ENPP3: variants seen among roughly 807,000 people sequenced by gnomAD.
The protein encoded by ENPP3 is ectonucleotide pyrophosphatase/phosphodiesterase family member 3.
ENPP3 carries 104 observed loss-of-function variants against 117.8 expected under a neutral mutation model. The observed-to-expected ratio is 0.88, with a 90% confidence interval of 0.75 to 1.04. ENPP3 has a LOEUF of 1.04. ENPP3 is among the 50% of genes least tolerant of loss of function. ENPP3 has a pLI of 0.00. For missense variants in ENPP3, 1,026 were observed against 1,051.9 expected, an observed-to-expected ratio of 0.98 and a Z score of 0.34; for synonymous variants, 380 against 349.9, an observed-to-expected ratio of 1.09 and a Z score of -0.96.
chr6:131,663,423 A>G (rs925728490), intron 6 of ENPP3, among the ~76,000 whole-genome samples: 2 of 151,276 alleles, frequency 1.3e-5, no homozygotes, highest in South Asian at 4.2e-4. Context: ...ATGGTTGCTT[A>G]TATCTGCAAT....
chr6:131,652,365 T>C lies in ENPP3; in HGVS notation c.278-177T>C, dbSNP rs1195959394. Among the ~76,000 whole-genome samples the C allele has an allele frequency of 2.0e-5, 3 of 152,246 alleles. No individual in the cohort carries two copies. The South Asian group carries it at 6.2e-4, about 31-fold the overall frequency. On this transcript the variant is annotated intron_variant, in intron 3 of 24. Coordinates refer to ENST00000357639, the MANE Select transcript of ENPP3 (RefSeq NM_005021.5). ...TAAAGCTGCATTTCTCTCTGCCACC[T>C]GGCTAGTGAAGAAAAGTGGTGGTTT...
At chr6:131,725,588 T>G (rs948299805) in intron 19 of ENPP3, among the ~76,000 whole-genome samples, 1 of 152,200 alleles carries the variant, frequency 6.6e-6, no homozygotes, top group Non-Finnish European at 1.5e-5. Flanking sequence ...TAGAGACACA[T>G]AAACATTCTG....
chr6:131,670,819 A>G (rs557421840), intron 6 of ENPP3, among the ~76,000 whole-genome samples: 1 of 152,296 alleles, frequency 6.6e-6, no homozygotes, highest in East Asian at 1.9e-4. Flanking sequence ...TGGTTGGAAG[A>G]AAGTAAGAAT....
chr6:131,654,804 GT>G (rs1304618931), intron 5 of ENPP3, among the ~76,000 whole-genome samples: 1 of 152,126 alleles, frequency 6.6e-6, no homozygotes, highest in Non-Finnish European at 1.5e-5. Context: ...TAATGTGCCT[GT>G]TTTTTTCCCA....
intron 19 of ENPP3, among the ~76,000 whole-genome samples, chr6:131,725,468 A>C (rs2114539906): frequency 6.6e-6 from 1 of 152,174 alleles, no homozygotes; most frequent in Non-Finnish European, 1.5e-5. Flanking sequence ...GTCTTTGATG[A>C]AAGCCCTAAT....
intron 2 of ENPP3, among the ~76,000 whole-genome samples, chr6:131,649,749 T>C (rs891622766): frequency 1.3e-4 from 20 of 151,972 alleles, no homozygotes; most frequent in African/African-American, 4.8e-4. Flanking sequence ...AGAGATGGGG[T>C]TTTGCCATGT....
intron 6 of ENPP3, among the ~76,000 whole-genome samples, chr6:131,661,991 T>C (rs1778511946): frequency 6.6e-6 from 1 of 152,214 alleles, no homozygotes; most frequent in African/African-American, 2.4e-5. Context: ...GTCATGCAGA[T>C]TTTCCCGTAT....
chr6:131,722,130 G>A, intron 17 of ENPP3, 97 bp from the exon 18 acceptor site: 2 of 786,300 alleles, frequency 2.5e-6, no homozygotes, highest in South Asian at 3.5e-5. Context: ...TTATTAAAGG[G>A]AGTGAAAGAG....
rs78893972 is a variant in ENPP3, at chr6:131,677,689, C to T, written c.939-179C>T. On this transcript the variant is annotated intron_variant, in intron 10 of 24. Transcript: ENST00000357639. ...ATCTGGGAAGGTCTTATTTATTTCC[C>T]GTTAGGAAACCTATCCTTGCTGGAG... 5.7e-3 allele frequency among the ~76,000 whole-genome samples: 860 copies of T among 152,146 alleles called. 6 individuals carry two copies. The highest frequency in any genetic ancestry group is 0.017 in the African/African-American group (713 of 41,500).
At chr6:131,656,482 C>A (rs762832091) in intron 5 of ENPP3, among the ~76,000 whole-genome samples, 9 of 151,970 alleles carry the variant, frequency 5.9e-5, no homozygotes, top group Non-Finnish European at 1.3e-4. Context: ...GAAAGTTTGT[C>A]GTAGGCCGGG....
chr6:131,663,368 C>G (rs1375865038), intron 6 of ENPP3, among the ~76,000 whole-genome samples: 4 of 151,536 alleles, frequency 2.6e-5, no homozygotes, highest in South Asian at 2.1e-4. Flanking sequence ...AATGGCGGTC[C>G]CATACATTAT....
intron 15 of ENPP3, among the ~76,000 whole-genome samples, chr6:131,696,090 T>C (rs1585681115): frequency 6.6e-6 from 1 of 152,208 alleles, no homozygotes; most frequent in Admixed American, 6.5e-5. Flanking sequence ...ATTTCAACAG[T>C]TTGTATAATC....
intron 2 of ENPP3, among the ~76,000 whole-genome samples, chr6:131,642,025 G>A (rs762832145): frequency 9.2e-5 from 14 of 151,684 alleles, no homozygotes; most frequent in South Asian, 2.1e-4. Context: ...GAGCTCCCGG[G>A]CTCAAGTGAT....
chr6:131,703,193 A>G lies in ENPP3; in HGVS notation c.1412+9569A>G, dbSNP rs1233317272. On this transcript the variant is annotated intron_variant, in intron 15 of 24. Transcript: ENST00000357639. ...AGGCTGAGGAAGGAGGTTCGCTGGA[A>G]CCCAGGCATTTGAAACCAGCCTGGG... Among the ~76,000 whole-genome samples the G allele has an allele frequency of 5.9e-5, 8 of 135,390 alleles. No individual in the cohort carries two copies. The South Asian group carries it at 1.9e-3, about 33-fold the overall frequency. The allele number at this position is 135,390 out of a possible 152,430, so 88.8% of individuals were successfully genotyped here.
At chr6:131,699,202 C>T (rs1405619393) in intron 15 of ENPP3, among the ~76,000 whole-genome samples, 2 of 137,318 alleles carry the variant, frequency 1.5e-5, no homozygotes, top group Non-Finnish European at 3.0e-5. Flanking sequence ...TGCACCACTG[C>T]ACTCCAGCCT....
intron 2 of ENPP3, among the ~76,000 whole-genome samples, chr6:131,647,720 T>C (rs113026253): frequency 1.3e-5 from 2 of 152,164 alleles, no homozygotes; most frequent in African/African-American, 4.8e-5. Context: ...AAAGATAAAT[T>C]TTTTTAATGT....
At position 131,710,852 on chromosome 6, in the gene ENPP3, GAAC is replaced by G. The variant is rs974191484; in HGVS notation, c.1413-7814_1413-7812del. 5.6e-6 allele frequency: 9 copies of G among 1,612,368 alleles called. No individual in the cohort carries two copies. The Middle Eastern group carries it at 6.8e-4, about 122-fold the overall frequency. ...CTAAAACTTCTCCACAAAAAAAGGA[GAAC>G]AACAAAAAATCCAATAACAGCTGCA... On this transcript the variant is annotated intron_variant, in intron 15 of 24. Transcript: ENST00000357639.
chr6:131,693,714 CTG>C, intron 15 of ENPP3, 90 bp downstream of exon 15: 1 of 1,301,074 alleles, frequency 7.7e-7, no homozygotes, highest in East Asian at 2.4e-5. Flanking sequence ...ATTATCATCA[CTG>C]TGAATTTTCC....
chr6:131,695,921 A>C (rs972418090), intron 15 of ENPP3, among the ~76,000 whole-genome samples: 1 of 152,184 alleles, frequency 6.6e-6, no homozygotes, highest in Non-Finnish European at 1.5e-5. Context: ...GTCTCAAAAA[A>C]AAAAGAGAAT....
Sources: gnomAD v4.1 joint callset for allele counts (sites outside exome capture counted in the v4.1 genomes callset) on GRCh38, gnomAD v4.1.1 for gene constraint, MANE v1.5 for transcripts, NCBI Gene and HGNC (gene_info 2026-07-23, HGNC 2026-07-21) for gene names.